The following NCOA1 variants were observed in gnomAD, a reference collection of about 807,000 sequenced individuals.
NCOA1 encodes Hin-2 protein.
NCOA1 carries 35 observed loss-of-function variants against 150.9 expected under a neutral mutation model. The ratio of observed to expected loss-of-function variants is 0.23; its 90% CI spans 0.18 to 0.31. NCOA1 has a LOEUF of 0.31. Ranked by LOEUF, NCOA1 falls within the 10% of genes least tolerant of loss-of-function variation. NCOA1 has a pLI of 1.00. For missense variants in NCOA1, 1,491 were observed against 1,749.3 expected (o/e 0.85, Z 2.63); for synonymous variants, 590 against 630.0 (o/e 0.94, Z 0.95).
intron 1 of NCOA1, among the ~76,000 whole-genome samples, chr2:24,556,380 G>C (rs6724060): frequency 0.81 from 123,877 of 152,180 alleles, 52,087 homozygotes; most frequent in East Asian, 0.99. Context: ...ACCACATTTT[G>C]TTTAGTCTAT....
intron 7 of NCOA1, among the ~76,000 whole-genome samples, chr2:24,679,476 C>G (rs1404512429): frequency 3.3e-5 from 5 of 152,128 alleles, no homozygotes; most frequent in Non-Finnish European, 7.4e-5. Flanking sequence ...AGGTCTTCCA[C>G]TATCAACCTC....
intron 3 of NCOA1, among the ~76,000 whole-genome samples, chr2:24,604,877 C>CT (rs1668288401): frequency 6.6e-6 from 1 of 152,130 alleles, no homozygotes; most frequent in Non-Finnish European, 1.5e-5. Flanking sequence ...TTTGACATGC[C>CT]TTTTTCTCTA....
At chr2:24,553,635 A>G (rs1342548487) in intron 1 of NCOA1, among the ~76,000 whole-genome samples, 4 of 152,206 alleles carry the variant, frequency 2.6e-5, no homozygotes, top group African/African-American at 7.2e-5. Context: ...CATTCTTGGG[A>G]TAAATGGCAT....
In NCOA1 at chr2:24,553,712, A is replaced by G. The variant is rs761875555; in HGVS notation, c.-395-10583A>G. Among the ~76,000 whole-genome samples, 8 of 152,260 alleles carry G rather than the reference A, an allele frequency of 5.3e-5. No homozygotes were observed. In the South Asian group the frequency reaches 6.2e-4, roughly 12 times the overall value. On this transcript the variant is annotated intron_variant, in intron 1 of 22. Coordinates refer to ENST00000348332, the MANE Select transcript of NCOA1 (RefSeq NM_003743.5). ...CATTTGGTTAAGATATTTTCCATCT[A>G]TGTTCATCAAAGTATGATGGTCTGT...
intron 1 of NCOA1, among the ~76,000 whole-genome samples, chr2:24,561,021 C>T (rs1666273745): frequency 6.6e-6 from 1 of 152,046 alleles, no homozygotes; most frequent in Non-Finnish European, 1.5e-5. Flanking sequence ...TATGTTTATG[C>T]AATGGAATAT....
chr2:24,612,854 T>A (rs948522864), intron 3 of NCOA1, among the ~76,000 whole-genome samples: 1 of 152,204 alleles, frequency 6.6e-6, no homozygotes, highest in Non-Finnish European at 1.5e-5. Flanking sequence ...TTCCTTGTAA[T>A]TCATGCTTTG....
At chr2:24,668,552 A>G (rs74572564) in intron 6 of NCOA1, among the ~76,000 whole-genome samples, 2 of 152,270 alleles carry the variant, frequency 1.3e-5, no homozygotes, top group East Asian at 3.9e-4. Flanking sequence ...TGAGTGCCAA[A>G]TAGACATGCT....
At chr2:24,632,444 T>C (rs1201045157) in intron 3 of NCOA1, among the ~76,000 whole-genome samples, 1 of 152,230 alleles carries the variant, frequency 6.6e-6, no homozygotes, top group Non-Finnish European at 1.5e-5. Flanking sequence ...TATGCACTTC[T>C]CCCATCCTGA....
chr2:24,645,941 G>A (rs1049356304), intron 4 of NCOA1, among the ~76,000 whole-genome samples: 7 of 152,124 alleles, frequency 4.6e-5, no homozygotes, highest in African/African-American at 7.2e-5. Context: ...AAGTAGGAGA[G>A]CCATCTCTTT....
At chr2:24,569,551 A>ATT (rs1475942672) in intron 2 of NCOA1, among the ~76,000 whole-genome samples, 6 of 75,698 alleles carry the variant, frequency 7.9e-5, no homozygotes, top group Admixed American at 2.0e-4. Flanking sequence ...TGGTTTTATT[A>ATT]ATTTTTTTTT....
intron 14 of NCOA1, among the ~76,000 whole-genome samples, chr2:24,717,597 G>GACATATACA (rs1346309616): frequency 6.6e-6 from 1 of 152,088 alleles, no homozygotes; most frequent in African/African-American, 2.4e-5. Flanking sequence ...AATGTACATA[G>GACATATACA]ACATATACAC....
chr2:24,740,013 T>C (rs1663524882), intron 18 of NCOA1, among the ~76,000 whole-genome samples: 2 of 151,886 alleles, frequency 1.3e-5, no homozygotes, highest in African/African-American at 4.8e-5. Context: ...ACTTTAAACA[T>C]AAAAAGAACT....
intron 20 of NCOA1, among the ~76,000 whole-genome samples, chr2:24,755,472 T>G (rs1312105726): frequency 6.6e-6 from 1 of 152,272 alleles, no homozygotes; most frequent in Non-Finnish European, 1.5e-5. Flanking sequence ...TGGAACCCAC[T>G]CTGGGCCAGA....
At chr2:24,704,018 C>G (rs961872086) in intron 11 of NCOA1, among the ~76,000 whole-genome samples, 3 of 152,124 alleles carry the variant, frequency 2.0e-5, no homozygotes, top group African/African-American at 4.8e-5. Context: ...TAAATACTTA[C>G]ATGATTAGAA....
intron 2 of NCOA1, among the ~76,000 whole-genome samples, chr2:24,575,264 A>G (rs1045234768): frequency 6.6e-6 from 1 of 152,150 alleles, no homozygotes; most frequent in Admixed American, 6.6e-5. Context: ...TGTCCTATGC[A>G]GTGTATTTTT....
At chr2:24,663,140 G>A (rs1339390322) in intron 5 of NCOA1, among the ~76,000 whole-genome samples, 1 of 152,026 alleles carries the variant, frequency 6.6e-6, no homozygotes, top group Non-Finnish European at 1.5e-5. Context: ...ATCATGGCAA[G>A]ATCCCTGTGA....
At chr2:24,688,484 T>A (rs1672511989) in intron 8 of NCOA1, among the ~76,000 whole-genome samples, 1 of 152,252 alleles carries the variant, frequency 6.6e-6, no homozygotes, top group Admixed American at 6.5e-5. Flanking sequence ...GGTTTTGATG[T>A]GCATTTCTCT....
intron 1 of NCOA1, among the ~76,000 whole-genome samples, chr2:24,529,675 A>C (rs557640902): frequency 5.3e-5 from 8 of 152,178 alleles, no homozygotes; most frequent in Non-Finnish European, 8.8e-5. Context: ...CCTTCACCTG[A>C]AAGTACCTTT....
intron 14 of NCOA1, among the ~76,000 whole-genome samples, chr2:24,712,015 G>A (rs1292985868): frequency 6.6e-6 from 1 of 152,180 alleles, no homozygotes; most frequent in East Asian, 1.9e-4. Flanking sequence ...CTGATAGTTT[G>A]CCAGGATTTC....
Sources: allele counts gnomAD v4.1 joint callset (sites outside exome capture counted in the v4.1 genomes callset), GRCh38; gene constraint gnomAD v4.1.1; transcripts MANE v1.5; gene names NCBI Gene and HGNC (gene_info 2026-07-23, HGNC 2026-07-21).